Variants in PSD3 observed in about 807,000 individuals in gnomAD.
PSD3 encodes the protein pleckstrin and Sec7 domain containing 3, also known as PH and SEC7 domain-containing protein 3.
In PSD3, 49 loss-of-function variants were observed where a neutral mutation model predicts 105.5. That is an observed-to-expected ratio of 0.46 (90% CI 0.37 to 0.59). The LOEUF (loss-of-function observed/expected upper bound fraction) is 0.59, where lower values mean the gene tolerates loss of function less well. PSD3 is among the 20% of genes least tolerant of loss of function. The pLI is 0.00. For synonymous variants in PSD3, 557 were observed against 457.8 expected (o/e 1.22, Z -2.77); for missense variants, 1,561 against 1,263.8 (o/e 1.24, Z -3.57).
At chr8:18,955,915 C>T (rs934358562) in intron 1 of PSD3, among the ~76,000 whole-genome samples, 1 of 152,092 alleles carries the variant, frequency 6.6e-6, no homozygotes, top group African/African-American at 2.4e-5. Flanking sequence ...ACTACAGGCA[C>T]ATGACACTGC....
At chr8:18,799,682 T>C (rs1292618738) in intron 7 of PSD3, among the ~76,000 whole-genome samples, 8 of 152,000 alleles carry the variant, frequency 5.3e-5, no homozygotes, top group African/African-American at 1.9e-4. Flanking sequence ...GATCTATACA[T>C]AGTACAAGGA....
chr8:18,865,261 TATATATATATATATA>T lies in PSD3; in HGVS notation c.1634+2398_1634+2412del, dbSNP rs1816795276. On this transcript the variant is annotated intron_variant, in intron 4 of 15. Transcript: ENST00000327040. ...ATATATATATATATATATATATATA[TATATATATATATATA>T]TATATATATATTTTTTTTTTTTTTT... The T allele has an allele frequency of 1.4e-3, 11 of 7,796 alleles. 1 individual carries two copies. Among genetic ancestry groups the T allele is most frequent in the Non-Finnish European group, 1.6e-3 (7 of 4,426 alleles). 0.5% of individuals were successfully genotyped at this position (7,796 alleles called of 1,614,324 possible).
intron 9 of PSD3, among the ~76,000 whole-genome samples, chr8:18,686,738 G>T (rs1800682036): frequency 6.6e-6 from 1 of 152,092 alleles, no homozygotes; most frequent in African/African-American, 2.4e-5. Context: ...CATTCCAGGT[G>T]AGTGCGTGGC....
At chr8:18,543,179 C>T (rs1166142538) in intron 15 of PSD3, among the ~76,000 whole-genome samples, 1 of 152,130 alleles carries the variant, frequency 6.6e-6, no homozygotes, top group Non-Finnish European at 1.5e-5. Flanking sequence ...TTTGTGACCA[C>T]CAAGAGCCAA....
At chr8:18,854,566 T>C (rs528581204) in intron 4 of PSD3, among the ~76,000 whole-genome samples, 202 of 152,374 alleles carry the variant, frequency 1.3e-3, no homozygotes, top group Non-Finnish European at 2.3e-3. Flanking sequence ...AAAGTAACTT[T>C]GCCACTGATT....
At position 19,026,650 on chromosome 8, in the gene PSD3, A is replaced by G. The variant is rs182053552; in HGVS notation, c.324+57556T>C. On this transcript the variant is annotated intron_variant, in intron 1 of 1. Transcript: ENST00000521475. ...GAGGCTGAGGTGGGAAGACAGCTTG[A>G]GGCCAGGAGTTCGAGACTAGCCTGA... is the stretch of plus-strand genomic sequence containing the variant. Among the ~76,000 whole-genome samples, 10 of 137,938 alleles carry G rather than the reference A, an allele frequency of 7.2e-5. No homozygotes were observed. The East Asian group carries it at 1.9e-3, about 26-fold the overall frequency. The allele number at this position is 137,938 out of a possible 152,430, so 90.5% of individuals were successfully genotyped here.
At chr8:18,790,409 T>A (rs1380500292) in intron 8 of PSD3, among the ~76,000 whole-genome samples, 1 of 151,502 alleles carries the variant, frequency 6.6e-6, no homozygotes, top group East Asian at 1.9e-4. Flanking sequence ...TTCATGCCAT[T>A]CTCCTGCCTC....
At chr8:18,643,230 G>A (rs926588783) in intron 10 of PSD3, among the ~76,000 whole-genome samples, 1 of 152,098 alleles carries the variant, frequency 6.6e-6, no homozygotes, top group African/African-American at 2.4e-5. Flanking sequence ...CTGTGAACTT[G>A]GTTTTATAAG....
chr8:19,067,900 G>A (rs569917815), intron 1 of PSD3, among the ~76,000 whole-genome samples: 30 of 152,294 alleles, frequency 2.0e-4, no homozygotes, highest in African/African-American at 7.2e-4. Flanking sequence ...TCAGCTGACC[G>A]CAGCTATCTG....
chr8:19,066,643 A>G (rs967284421), intron 1 of PSD3, among the ~76,000 whole-genome samples: 1 of 152,236 alleles, frequency 6.6e-6, no homozygotes, highest in African/African-American at 2.4e-5. Context: ...GGTTATCTCC[A>G]ACTAGTTGTG....
At chr8:18,817,488 AAC>A (rs1259646595) in intron 4 of PSD3, among the ~76,000 whole-genome samples, 5 of 152,308 alleles carry the variant, frequency 3.3e-5, no homozygotes, top group African/African-American at 1.2e-4. Context: ...TGAAATTTCT[AAC>A]ACAGCACCTT....
intron 8 of PSD3, among the ~76,000 whole-genome samples, chr8:18,792,989 T>G (rs1037799253): frequency 6.6e-6 from 1 of 152,202 alleles, no homozygotes; most frequent in Non-Finnish European, 1.5e-5. Flanking sequence ...TGGAATACTA[T>G]GCAGCCATAA....
At chr8:18,703,947 T>C (rs1801736730) in intron 9 of PSD3, among the ~76,000 whole-genome samples, 1 of 152,064 alleles carries the variant, frequency 6.6e-6, no homozygotes, top group African/African-American at 2.4e-5. Context: ...AATTGTGGCA[T>C]TGATTCCAAA....
chr8:18,988,244 A>T (rs1825610541), intron 1 of PSD3, among the ~76,000 whole-genome samples: 1 of 152,170 alleles, frequency 6.6e-6, no homozygotes, highest in Admixed American at 6.5e-5. Context: ...GATTTGACTA[A>T]AAGTGCCCTG....
chr8:18,572,420 G>T, intron 14 of PSD3, 108 bp downstream of exon 14: 1 of 1,352,004 alleles, frequency 7.4e-7, no homozygotes, highest in Non-Finnish European at 1.0e-6. Flanking sequence ...ACAGGGCAAG[G>T]TCTCACACCT....
chr8:19,078,939 T>C (rs943484960), intron 1 of PSD3, among the ~76,000 whole-genome samples: 3 of 149,424 alleles, frequency 2.0e-5, no homozygotes, highest in African/African-American at 7.4e-5. Flanking sequence ...CCTATTGGAG[T>C]TGCATTGAGC....
chr8:19,045,120 G>T (rs561710765), intron 1 of PSD3, among the ~76,000 whole-genome samples: 1 of 152,278 alleles, frequency 6.6e-6, no homozygotes, highest in South Asian at 2.1e-4. Flanking sequence ...CGGAGGCAGA[G>T]GTTGCAGTGA....
chr8:18,800,771 A>G (rs965777680), intron 7 of PSD3, among the ~76,000 whole-genome samples: 2 of 152,258 alleles, frequency 1.3e-5, no homozygotes, highest in Non-Finnish European at 2.9e-5. Flanking sequence ...CACCAGAGAC[A>G]CAGCGCAACC....
intron 2 of PSD3, among the ~76,000 whole-genome samples, chr8:18,901,261 A>T (rs1819484217): frequency 6.6e-6 from 1 of 152,188 alleles, no homozygotes; most frequent in African/African-American, 2.4e-5. Flanking sequence ...TTTATTGTTT[A>T]AAATATTTGA....
Sources: allele counts gnomAD v4.1 joint callset (sites outside exome capture counted in the v4.1 genomes callset), GRCh38; gene constraint gnomAD v4.1.1; transcripts MANE v1.5; gene names NCBI Gene and HGNC (gene_info 2026-07-23, HGNC 2026-07-21).